SORL1: variants seen among roughly 807,000 people sequenced by gnomAD.
The protein encoded by SORL1 is sortilin-related receptor.
Under a neutral mutation model 273.7 loss-of-function variants are expected in SORL1, and 127 were observed. That is an observed-to-expected ratio of 0.46 (90% confidence interval 0.40 to 0.54). The LOEUF is 0.54. Ranked by LOEUF, SORL1 falls within the 20% of genes least tolerant of loss-of-function variation. The probability of loss-of-function intolerance (pLI) is 0.00; values close to 1 mark genes in which losing one functional copy is unlikely to be tolerated. For synonymous variants in SORL1, 1,031 were observed against 1,067.4 expected, an observed-to-expected ratio of 0.97 and a Z score of 0.66; for missense variants, 2,494 against 2,846.1, an observed-to-expected ratio of 0.88 and a Z score of 2.81.
At chr11:121,552,922 C>G (rs961695020) in intron 16 of SORL1, among the ~76,000 whole-genome samples, 1 of 152,176 alleles carries the variant, frequency 6.6e-6, no homozygotes, top group Non-Finnish European at 1.5e-5. Flanking sequence ...CTGCTTGTGT[C>G]CACTCCTGGG....
Position 121,545,226 on chromosome 11 carries a change from T to G in SORL1, c.1865-17T>G, listed in dbSNP as rs764407282. ...GGCCTGCCTCTAATGCTTCGTGCTG[T>G]GTTCCTTTTTCTTTAGGAGTTCCCT... On this transcript the variant is annotated splice_polypyrimidine_tract_variant and intron_variant, in intron 13 of 47. Transcript: ENST00000260197. The G allele has an allele frequency of 1.2e-6, 2 of 1,613,508 alleles. No individual in the cohort carries two copies. The highest frequency in any genetic ancestry group is 1.7e-6 in the Non-Finnish European group (2 of 1,179,594).
intron 5 of SORL1, among the ~76,000 whole-genome samples, chr11:121,493,119 C>T (rs12795466): frequency 0.1 from 15,270 of 152,182 alleles, 1,008 homozygotes; most frequent in African/African-American, 0.18. Flanking sequence ...GCTAGGACTA[C>T]AGGCATGTGC....
intron 6 of SORL1, among the ~76,000 whole-genome samples, chr11:121,500,901 G>A (rs1055194032): frequency 2.0e-5 from 3 of 152,236 alleles, no homozygotes; most frequent in South Asian, 2.1e-4. Context: ...AAGCAACCAC[G>A]AATTTCACTA....
chr11:121,616,434 T>C (rs771669991), intron 41 of SORL1, among the ~76,000 whole-genome samples: 7 of 152,232 alleles, frequency 4.6e-5, no homozygotes, highest in Non-Finnish European at 1.0e-4. Context: ...TCACTGTGCA[T>C]GTGGGGAACC....
At chr11:121,514,424 C>A in intron 8 of SORL1, 103 bp downstream of exon 8, 1 of 1,199,430 alleles carries the variant, frequency 8.3e-7, no homozygotes, top group Non-Finnish European at 1.1e-6. Context: ...TGTGGATACA[C>A]CCGGGGAGCT....
Position 121,596,274 on chromosome 11 carries a change from A to G in SORL1, c.4519+502A>G, listed in dbSNP as rs1048197056. 6.6e-6 allele frequency among the ~76,000 whole-genome samples: 1 copy of G among 152,198 alleles called. No homozygotes were observed. Among genetic ancestry groups the G allele is most frequent in the Admixed American group, 6.5e-5 (1 of 15,284 alleles). On this transcript the variant is annotated intron_variant, in intron 32 of 47. Coordinates refer to ENST00000260197, the MANE Select transcript of SORL1 (RefSeq NM_003105.6). The surrounding 1 kb of genome is among the most constrained non-coding windows in gnomAD (Gnocchi z 4.3). ...GCCGAGCCACATGGGGAATAATCAC[A>G]GGGCCATCTGAGCCCAGTGTGAGGT...
At chr11:121,531,085 G>C (rs1160895864) in intron 11 of SORL1, among the ~76,000 whole-genome samples, 1 of 152,038 alleles carries the variant, frequency 6.6e-6, no homozygotes, top group Non-Finnish European at 1.5e-5. Context: ...CATGGGACAT[G>C]GTTATAATAG....
At chr11:121,479,908 G>A (rs1861346012) in intron 3 of SORL1, among the ~76,000 whole-genome samples, 1 of 152,182 alleles carries the variant, frequency 6.6e-6, no homozygotes, top group Non-Finnish European at 1.5e-5. Context: ...AAAGCAAGGA[G>A]AAGGTGTTGG....
intron 14 of SORL1, among the ~76,000 whole-genome samples, chr11:121,549,206 C>G (rs952580009): frequency 4.6e-5 from 7 of 152,030 alleles, no homozygotes; most frequent in African/African-American, 1.7e-4. Context: ...TCTTAAATAA[C>G]ATTGAACCCC....
chr11:121,523,843 C>CT (rs1407367555), intron 11 of SORL1, among the ~76,000 whole-genome samples: 1 of 152,226 alleles, frequency 6.6e-6, no homozygotes, highest in African/African-American at 2.4e-5. Flanking sequence ...CTCAGAACAG[C>CT]TAGCAGACAT....
At chr11:121,511,015 C>A (rs1338279109) in intron 6 of SORL1, among the ~76,000 whole-genome samples, 1 of 151,012 alleles carries the variant, frequency 6.6e-6, no homozygotes, top group Non-Finnish European at 1.5e-5. Flanking sequence ...CAGAGCCTTA[C>A]AATACATCTT....
intron 23 of SORL1, among the ~76,000 whole-genome samples, chr11:121,571,339 G>T (rs1591332442): frequency 6.6e-6 from 1 of 152,264 alleles, no homozygotes; most frequent in Non-Finnish European, 1.5e-5. Flanking sequence ...ATGGGCATGG[G>T]CACAGGGGCC....
At chr11:121,487,340 A>G (rs914896776) in intron 3 of SORL1, among the ~76,000 whole-genome samples, 4 of 152,206 alleles carry the variant, frequency 2.6e-5, no homozygotes, top group Admixed American at 2.0e-4. Flanking sequence ...TCCCCAGGGA[A>G]TTCTTTCAGC....
At chr11:121,515,776 A>G (rs1861940621) in intron 8 of SORL1, among the ~76,000 whole-genome samples, 1 of 152,046 alleles carries the variant, frequency 6.6e-6, no homozygotes, top group Non-Finnish European at 1.5e-5. Context: ...CTTAGCCTCA[A>G]AAGTAGCTGG....
intron 29 of SORL1, 56 bp downstream of exon 29, chr11:121,589,446 T>A: frequency 6.2e-7 from 1 of 1,601,276 alleles, no homozygotes; most frequent in Non-Finnish European, 8.5e-7. Flanking sequence ...CAGTGATGCC[T>A]GCAGTTACAG....
rs199654025 is a variant in SORL1 at position 121,607,340 on chromosome 11, G to A, written c.5166+50G>A. 2.5e-4 allele frequency: 258 copies of A among 1,046,806 alleles called. No homozygotes were observed. The African/African-American group carries it at 3.2e-3, about 13-fold the overall frequency. 64.8% of individuals were successfully genotyped at this position (1,046,806 alleles called of 1,614,324 possible). ...CATCCATGCAGTCTTAGAACTGAGC[G>A]AAATTGCTGCTGTTTTGTGAGAACT... On this transcript the variant is annotated intron_variant, in intron 37 of 47. Transcript: ENST00000260197.
chr11:121,590,552 A>G lies in SORL1; in HGVS notation c.4213+378A>G, dbSNP rs1367535134. The G allele has an allele frequency of 5.5e-6, 3 of 546,192 alleles. No homozygotes were observed. In the East Asian group the frequency reaches 9.6e-5, roughly 17 times the overall value. The allele number at this position is 546,192 out of a possible 1,614,324, so 33.8% of individuals were successfully genotyped here. ...AGCCCCCAGGTCCTGTGTGCTCCAC[A>G]ATGCATTTGAGGAGCACTCATGTGG... On this transcript the variant is annotated intron_variant, in intron 30 of 47. Coordinates refer to ENST00000260197, the MANE Select transcript of SORL1 (RefSeq NM_003105.6).
chr11:121,458,017 A>G (rs1860934455), intron 1 of SORL1, among the ~76,000 whole-genome samples: 1 of 152,196 alleles, frequency 6.6e-6, no homozygotes, highest in Admixed American at 6.5e-5. Flanking sequence ...TCATAGTGTC[A>G]TTGTTGAATC....
intron 9 of SORL1, among the ~76,000 whole-genome samples, chr11:121,521,613 A>C (rs764743691): frequency 1.3e-5 from 2 of 152,210 alleles, no homozygotes; most frequent in Non-Finnish European, 2.9e-5. Context: ...ACCTGAGGTT[A>C]CAGAAACTCT....
Sources: allele counts gnomAD v4.1 joint callset (sites outside exome capture counted in the v4.1 genomes callset), GRCh38; gene constraint gnomAD v4.1.1; non-coding constraint Gnocchi (gnomAD v3.1); transcripts MANE v1.5; gene names NCBI Gene and HGNC (gene_info 2026-07-23, HGNC 2026-07-21).